SORCS1: variants seen among roughly 807,000 people sequenced by gnomAD.
The protein encoded by SORCS1 is VPS10 domain-containing receptor SorCS1.
Under a neutral mutation model 146.1 loss-of-function variants are expected in SORCS1, and 60 were observed. The observed-to-expected ratio is 0.41, with a 90% CI of 0.33 to 0.51. The LOEUF is 0.51. Among genes scored for constraint, SORCS1 ranks in the 20% least tolerant of loss-of-function variants. The pLI is 0.21. For missense variants in SORCS1, 1,352 were observed against 1,487.6 expected (o/e 0.91, Z 1.50); for synonymous variants, 637 against 584.0 (o/e 1.09, Z -1.31).
chr10:107,179,330 C>T, the SORCS1 span, among the ~76,000 whole-genome samples: 2 of 152,136 alleles, frequency 1.3e-5, no homozygotes, highest in Non-Finnish European at 2.9e-5. Flanking sequence ...GTTAATTAGC[C>T]TGATGTAATC....
At chr10:106,832,485 G>A (rs374838953) in intron 2 of SORCS1, among the ~76,000 whole-genome samples, 5 of 152,140 alleles carry the variant, frequency 3.3e-5, no homozygotes, top group South Asian at 2.1e-4. Flanking sequence ...CAAGGCACCC[G>A]GCCCCTAGTC....
At chr10:106,703,972 G>A (rs1237580237) in intron 8 of SORCS1, among the ~76,000 whole-genome samples, 4 of 152,206 alleles carry the variant, frequency 2.6e-5, no homozygotes, top group African/African-American at 7.2e-5. Flanking sequence ...AATGGAACAT[G>A]CTCTTCTGGG....
chr10:107,036,408 G>C (rs1048349867), intron 1 of SORCS1, among the ~76,000 whole-genome samples: 1 of 152,126 alleles, frequency 6.6e-6, no homozygotes, highest in Non-Finnish European at 1.5e-5. Context: ...GATACTGAGG[G>C]ACAATTGCAT....
intron 3 of SORCS1, among the ~76,000 whole-genome samples, chr10:106,777,272 C>T (rs2136378744): frequency 1.3e-5 from 2 of 152,316 alleles, no homozygotes; most frequent in Admixed American, 6.5e-5. Flanking sequence ...ACCCTCATCA[C>T]CTTCTAGCCT....
rs191962886 is a variant in SORCS1, at chr10:106,810,402, A to T, written c.726+19172T>A. 5.7e-3 allele frequency among the ~76,000 whole-genome samples: 874 copies of T among 152,244 alleles called. 5 individuals carry two copies. The highest frequency in any genetic ancestry group is 0.019 in the African/African-American group (796 of 41,538). On this transcript the variant is annotated intron_variant, in intron 3 of 25. Coordinates refer to ENST00000263054, the MANE Select transcript of SORCS1 (RefSeq NM_052918.5). The stretch of plus-strand genomic sequence containing the variant: ...TTTAAAAAAATACCTGCAATTTTTT[A>T]AAAAAATGTTCTTCTTTCAAGGGCT...
At chr10:106,975,753 G>A (rs2139272323) in intron 1 of SORCS1, among the ~76,000 whole-genome samples, 1 of 152,242 alleles carries the variant, frequency 6.6e-6, no homozygotes, top group East Asian at 1.9e-4. Flanking sequence ...GCCACTTCTT[G>A]CAATTCTGCA....
intron 1 of SORCS1, among the ~76,000 whole-genome samples, chr10:107,024,864 A>C: frequency 6.6e-6 from 1 of 152,232 alleles, no homozygotes; most frequent in East Asian, 1.9e-4. Flanking sequence ...TGCACCTAAA[A>C]TATAGTAGTT....
intron 3 of SORCS1, among the ~76,000 whole-genome samples, chr10:106,805,742 T>C (rs977468147): frequency 3.9e-5 from 6 of 152,006 alleles, no homozygotes; most frequent in African/African-American, 1.2e-4. Flanking sequence ...ATATAAATCA[T>C]AATGATGCAA....
intron 1 of SORCS1, among the ~76,000 whole-genome samples, chr10:107,007,676 C>T (rs1339992623): frequency 6.6e-6 from 1 of 152,204 alleles, no homozygotes; most frequent in Non-Finnish European, 1.5e-5. Context: ...GTAAGTAGAA[C>T]ATTCTGGATG....
At chr10:106,989,331 G>C (rs1166290031) in intron 1 of SORCS1, among the ~76,000 whole-genome samples, 1 of 145,032 alleles carries the variant, frequency 6.9e-6, no homozygotes. Flanking sequence ...AATTTCCTTC[G>C]AGGCTGTCTA....
In SORCS1 at chr10:106,856,964, C is replaced by T. The variant is rs556948777; in HGVS notation, c.627-27291G>A. On this transcript the variant is annotated intron_variant, in intron 2 of 25. Transcript: ENST00000263054. ...GTTGTTAATTGTTCAGTTTCTTTAG[C>T]TTTTAACTTGCTAGGAAAATGGACA... is the stretch of plus-strand genomic sequence containing the variant. Among the ~76,000 whole-genome samples the T allele has an allele frequency of 5.9e-5, 9 of 152,308 alleles. No homozygotes were observed. The East Asian group carries it at 1.7e-3, about 29-fold the overall frequency.
At chr10:107,000,056 C>G (rs569276911) in intron 1 of SORCS1, among the ~76,000 whole-genome samples, 20 of 152,258 alleles carry the variant, frequency 1.3e-4, no homozygotes, top group African/African-American at 4.6e-4. Flanking sequence ...GAGAACTCAC[C>G]TATGATAGGG....
At chr10:106,996,735 C>G (rs1306550061) in intron 1 of SORCS1, among the ~76,000 whole-genome samples, 2 of 152,146 alleles carry the variant, frequency 1.3e-5, no homozygotes, top group East Asian at 3.9e-4. Context: ...ATGATATGAC[C>G]AGAGTGTGTC....
In SORCS1 at chr10:106,970,539, G is replaced by A. The variant is rs117525787; in HGVS notation, c.559-13959C>T. On this transcript the variant is annotated intron_variant, in intron 1 of 25. Coordinates refer to ENST00000263054, the MANE Select transcript of SORCS1 (RefSeq NM_052918.5). ...ATTTTAGTAGAGATGACAGGGTTTC[G>A]CCATGTTGGCCAGGCTGGTCTTGGA... Among the ~76,000 whole-genome samples the A allele has an allele frequency of 9.8e-3, 1,494 of 151,744 alleles. 66 individuals are homozygous for A. In the East Asian group the frequency reaches 0.15, roughly 15 times the overall value.
intron 24 of SORCS1, among the ~76,000 whole-genome samples, chr10:106,595,700 A>G (rs1055196229): frequency 6.6e-5 from 10 of 152,180 alleles, no homozygotes; most frequent in Non-Finnish European, 1.5e-4. Context: ...TCTCCAGGAA[A>G]CCAGAGAATG....
chr10:106,834,310 A>G (rs1321038580), intron 2 of SORCS1, among the ~76,000 whole-genome samples: 1 of 152,240 alleles, frequency 6.6e-6, no homozygotes. Flanking sequence ...TAGGTATGGG[A>G]GAGGACATTT....
intron 1 of SORCS1, among the ~76,000 whole-genome samples, chr10:106,966,920 T>A (rs900775700): frequency 2.0e-5 from 3 of 152,108 alleles, no homozygotes; most frequent in Non-Finnish European, 2.9e-5. Flanking sequence ...AAATAAAAAA[T>A]AAGCTTATAA....
chr10:106,907,054 T>C (rs556949324), intron 2 of SORCS1, among the ~76,000 whole-genome samples: 102 of 152,304 alleles, frequency 6.7e-4, no homozygotes, highest in African/African-American at 2.0e-3. Context: ...TGCTGCCAAG[T>C]GTGTGGGGAA....
chr10:106,901,867 C>A (rs1589666924), intron 2 of SORCS1, among the ~76,000 whole-genome samples: 2 of 152,024 alleles, frequency 1.3e-5, no homozygotes, highest in South Asian at 4.1e-4. Flanking sequence ...CACGGTGAAA[C>A]CCTGCCTTTA....
Sources: allele counts gnomAD v4.1 joint callset (sites outside exome capture counted in the v4.1 genomes callset), GRCh38; gene constraint gnomAD v4.1.1; transcripts MANE v1.5; gene names NCBI Gene and HGNC (gene_info 2026-07-23, HGNC 2026-07-21).